Variants in CFAP91 observed in about 807,000 individuals in gnomAD.
CFAP91 encodes cilia and flagella associated protein 91.
In CFAP91, 85 loss-of-function variants were observed where a neutral mutation model predicts 95.9. The observed-to-expected ratio is 0.89, with a 90% CI of 0.74 to 1.06. CFAP91 has a LOEUF of 1.06. Ranked by LOEUF, CFAP91 falls within the 50% of genes least tolerant of loss-of-function variation. The pLI, the probability that CFAP91 is intolerant of heterozygous loss-of-function variation, is 0.00. For missense variants in CFAP91, 962 were observed against 943.4 expected, an observed-to-expected ratio of 1.02 and a Z score of -0.26; for synonymous variants, 335 against 327.5, an observed-to-expected ratio of 1.02 and a Z score of -0.25.
chr3:119,752,996 A>G (rs2054353847), intron 17 of CFAP91, among the ~76,000 whole-genome samples: 1 of 152,184 alleles, frequency 6.6e-6, no homozygotes, highest in African/African-American at 2.4e-5. Context: ...GAGATTATTC[A>G]ATGATGTCTA....
intron 4 of CFAP91, 141 bp downstream of exon 4, chr3:119,708,815 C>T (rs747829118): frequency 1.8e-5 from 10 of 555,314 alleles, no homozygotes; most frequent in African/African-American, 1.5e-4. Context: ...ATGATCTAAT[C>T]GTTAAAACAG....
rs974824510 is a variant in CFAP91 at position 119,750,857 on chromosome 3, T to C, written c.2144-80T>C. The C allele has an allele frequency of 1.0e-5, 16 of 1,534,486 alleles. No individual in the cohort carries two copies. The East Asian group carries it at 1.6e-4, about 15-fold the overall frequency. On this transcript the variant is annotated intron_variant, in intron 16 of 17. Coordinates refer to ENST00000273390, the MANE Select transcript of CFAP91 (RefSeq NM_033364.4). ...TACCTTTAATTTGCAAAATTATTTC[T>C]ATCATGACTCTCTTGAAACATTTGG...
Position 119,750,983 on chromosome 3 carries a change from CCA to C in CFAP91, c.2193_2194del (p.His731GlnfsTer13). 1 of 1,613,990 alleles carries C rather than the reference CCA, an allele frequency of 6.2e-7. No individual in the cohort carries two copies. The highest frequency in any genetic ancestry group is 8.5e-7 in the Non-Finnish European group (1 of 1,179,912). On this transcript the variant is annotated frameshift_variant, in exon 17 of 18. Transcript: ENST00000273390. LOFTEE classifies it high-confidence loss of function. ...KHILAAHQII[H>X]SYTESMVQKK... ...ATATTCTTGCAGCCCATCAGATCATCCACAGTTACACGGAAAGCATGGTTCAA... is the reference window on the plus strand; with the variant it reads ...ATATTCTTGCAGCCCATCAGATCATCCAGTTACACGGAAAGCATGGTTCAA...
intron 5 of CFAP91, among the ~76,000 whole-genome samples, chr3:119,711,133 T>C (rs1180520931): frequency 6.6e-6 from 1 of 152,162 alleles, no homozygotes; most frequent in Admixed American, 6.5e-5. Flanking sequence ...GAACAGGACA[T>C]GTGTTATTAA....
At chr3:119,760,914 C>T (rs530501283) in intron 17 of CFAP91, among the ~76,000 whole-genome samples, 20 of 145,958 alleles carry the variant, frequency 1.4e-4, no homozygotes, top group Non-Finnish European at 2.7e-4. Flanking sequence ...GTGCTTGCAT[C>T]GAAAAAGAAG....
At chr3:119,715,797 A>AT (rs1559749644) in intron 6 of CFAP91, 54 bp downstream of exon 6, 1 of 1,527,774 alleles carries the variant, frequency 6.5e-7, no homozygotes. Flanking sequence ...ATAACCACGC[A>AT]TGCTGTTCAA....
At chr3:119,761,511 G>C (rs1000052118) in intron 17 of CFAP91, among the ~76,000 whole-genome samples, 1 of 151,718 alleles carries the variant, frequency 6.6e-6, no homozygotes, top group Admixed American at 6.6e-5. Context: ...CATTACTCTT[G>C]TTTCAAAACT....
At chr3:119,731,186 G>A (rs1235827596) in intron 8 of CFAP91, among the ~76,000 whole-genome samples, 2 of 152,134 alleles carry the variant, frequency 1.3e-5, no homozygotes, top group African/African-American at 2.4e-5. Flanking sequence ...ACAGTGAGTT[G>A]TGATAGCACC....
chr3:119,743,859 A>T, intron 13 of CFAP91, 116 bp from the exon 14 acceptor site: 1 of 922,710 alleles, frequency 1.1e-6, no homozygotes, highest in Non-Finnish European at 1.6e-6. Context: ...AGTAAAAATT[A>T]AATGCATTCT....
At chr3:119,750,756 G>C in intron 16 of CFAP91, 181 bp from the exon 17 acceptor site, 1 of 626,690 alleles carries the variant, frequency 1.6e-6, no homozygotes, top group African/African-American at 1.8e-5. Context: ...CAAGCCTGGT[G>C]GAAAGGAGTA....
rs951055082 is a variant in CFAP91, at chr3:119,765,529, T to G, written c.*479T>G. The stretch of plus-strand genomic sequence containing the variant: ...ACAGGCATGACAAAAATATTTATAG[T>G]AGTGGTGTTCACAATAGTCCCAAAC... On this transcript the variant is annotated 3_prime_UTR_variant, in exon 18 of 18. Transcript: ENST00000273390. 1.3e-5 allele frequency: 2 copies of G among 152,222 alleles called. No individual in the cohort carries two copies. The highest frequency in any genetic ancestry group is 2.9e-5 in the Non-Finnish European group (2 of 68,044). 9.4% of individuals were successfully genotyped at this position (152,222 alleles called of 1,614,324 possible). A position where few individuals can be genotyped will look rare whatever the true frequency, so the allele number is the denominator to read the frequency against.
chr3:119,714,948 A>T (rs1273858945), intron 5 of CFAP91, among the ~76,000 whole-genome samples: 1 of 152,174 alleles, frequency 6.6e-6, no homozygotes, highest in Non-Finnish European at 1.5e-5. Flanking sequence ...TCATTTTTAC[A>T]TTAATTTTTT....
chr3:119,755,466 CCTT>C (rs2054408141), intron 17 of CFAP91, among the ~76,000 whole-genome samples: 2 of 152,282 alleles, frequency 1.3e-5, no homozygotes, highest in Admixed American at 6.5e-5. Flanking sequence ...CTTCTCCTCT[CCTT>C]CTTCCACTCC....
intron 6 of CFAP91, among the ~76,000 whole-genome samples, chr3:119,723,232 G>A (rs28464044): frequency 0.015 from 2,347 of 152,276 alleles, 56 homozygotes; most frequent in African/African-American, 0.053. Context: ...AGCATGCACC[G>A]TGGGAGAGGA....
intron 3 of CFAP91, among the ~76,000 whole-genome samples, chr3:119,708,275 A>G: frequency 6.6e-6 from 1 of 152,048 alleles, no homozygotes; most frequent in East Asian, 1.9e-4. Context: ...AAAAAAAAAA[A>G]AAAAAAAAAT....
At chr3:119,717,550 GTTTT>G (rs1553706267) in intron 6 of CFAP91, among the ~76,000 whole-genome samples, 1 of 130,170 alleles carries the variant, frequency 7.7e-6, no homozygotes, top group Non-Finnish European at 1.6e-5. Flanking sequence ...AAATACGTTG[GTTTT>G]TTTTTTTTTT....
At chr3:119,722,768 A>G (rs949924980) in intron 6 of CFAP91, among the ~76,000 whole-genome samples, 3 of 151,968 alleles carry the variant, frequency 2.0e-5, no homozygotes, top group African/African-American at 7.2e-5. Context: ...TGCTGGGATT[A>G]CAGGTGAGCC....
chr3:119,707,610 T>G lies in CFAP91; in HGVS notation c.359+49T>G, dbSNP rs781095695. 20 of 1,474,956 alleles carry G rather than the reference T, an allele frequency of 1.4e-5. No homozygotes were observed. In the East Asian group the frequency reaches 4.4e-4, roughly 32 times the overall value. 91.4% of individuals were successfully genotyped at this position (1,474,956 alleles called of 1,614,324 possible). ...CCTAAAATAAATGCATTAAAAGCAT[T>G]TCTTTAAATTCATTTACCATGTGTG... On this transcript the variant is annotated intron_variant, in intron 3 of 17. Transcript: ENST00000273390.
At chr3:119,737,898 A>T (rs2054041192) in intron 11 of CFAP91, among the ~76,000 whole-genome samples, 1 of 152,180 alleles carries the variant, frequency 6.6e-6, no homozygotes, top group Non-Finnish European at 1.5e-5. Flanking sequence ...GGTGGGAATG[A>T]CTCAAAGAGC....
Sources: allele counts gnomAD v4.1 joint callset (sites outside exome capture counted in the v4.1 genomes callset), GRCh38; gene constraint gnomAD v4.1.1; transcripts MANE v1.5; gene names NCBI Gene and HGNC (gene_info 2026-07-23, HGNC 2026-07-21).